The following RFX6 variants were observed in gnomAD, a reference collection of about 807,000 sequenced individuals.
RFX6 encodes the protein DNA-binding protein RFX6.
In RFX6, 50 loss-of-function variants were observed where a neutral mutation model predicts 110.8. That is an observed-to-expected ratio of 0.45 (90% CI 0.36 to 0.57). RFX6 has a LOEUF of 0.57. RFX6 is among the 20% of genes least tolerant of loss of function. The pLI is 0.00. For synonymous variants in RFX6, 383 were observed against 411.2 expected, an observed-to-expected ratio of 0.93 and a Z score of 0.83; for missense variants, 990 against 1,127.0, an observed-to-expected ratio of 0.88 and a Z score of 1.74.
At chr6:116,898,497 T>A (rs922791133) in intron 6 of RFX6, among the ~76,000 whole-genome samples, 5 of 152,056 alleles carry the variant, frequency 3.3e-5, no homozygotes, top group African/African-American at 1.2e-4. Context: ...ACCCAGCTAA[T>A]TTTTTGGAAT....
At chr6:116,891,202 A>G (rs375198819) in intron 4 of RFX6, among the ~76,000 whole-genome samples, 1 of 152,196 alleles carries the variant, frequency 6.6e-6, no homozygotes, top group Non-Finnish European at 1.5e-5. Context: ...TGTTTTGTTC[A>G]TCATTGTACT....
chr6:116,922,105 CT>C lies in RFX6; in HGVS notation c.1395del (p.Phe465LeufsTer9). Reference protein sequence around the residue: ...DLLKKNATVEAFIEWLDTVVE... With the variant: ...DLLKKNATVEXFIEWLDTVVE... Reference sequence around the variant, plus strand: ...CTTAAGAAGAATGCCACTGTGGAGGCTTTTATTGAATGGTTGGATACTGTGG... The same window carrying C: ...CTTAAGAAGAATGCCACTGTGGAGGCTTTATTGAATGGTTGGATACTGTGG... On this transcript the variant is annotated frameshift_variant, in exon 13 of 19. Transcript: ENST00000332958. LOFTEE classifies it high-confidence loss of function. 1 of 1,564,310 alleles carries C rather than the reference CT, an allele frequency of 6.4e-7. No individual in the cohort carries two copies. Among genetic ancestry groups the C allele is most frequent in the Non-Finnish European group, 8.8e-7 (1 of 1,136,522 alleles).
chr6:116,915,892 T>C, intron 7 of RFX6, 116 bp from the exon 8 acceptor site: 1 of 793,552 alleles, frequency 1.3e-6, no homozygotes, highest in South Asian at 1.4e-5. Context: ...TCCTCAACAT[T>C]GAGCATACTG....
In RFX6 at chr6:116,927,420, C is replaced by A. The variant is rs200863414; in HGVS notation, c.2279C>A (p.Ser760Tyr). 1.9e-6 allele frequency: 3 copies of A among 1,614,146 alleles called. No individual in the cohort carries two copies. Among genetic ancestry groups the A allele is most frequent in the East Asian group, 4.5e-5 (2 of 44,880 alleles). The stretch of plus-strand genomic sequence containing the variant: ...CGGCCACCGTCTAGCTATGGCCCAT[C>A]CCTGCAAGCCCAGGATTCACACAAT... Reference protein sequence around the residue: ...NSRPPSSYGPSLQAQDSHNMQ... With the variant: ...NSRPPSSYGPYLQAQDSHNMQ... Residue 760 changes from serine (S) to tyrosine (Y), a missense_variant, in exon 17 of 19, where the codon TCC becomes TAC. By Grantham distance (144) the Ser-to-Tyr change is moderately radical. This residue lies in a region of RFX6 where 438 missense variants were observed against 441.9 expected (regional missense o/e 0.99). Coordinates refer to ENST00000332958, the MANE Select transcript of RFX6 (RefSeq NM_173560.4).
intron 6 of RFX6, among the ~76,000 whole-genome samples, chr6:116,904,779 G>C (rs555969991): frequency 6.6e-6 from 1 of 152,076 alleles, no homozygotes; most frequent in Non-Finnish European, 1.5e-5. Flanking sequence ...TTGTCTTCTG[G>C]TGACTGACTT....
chr6:116,910,471 AT>A (rs919876117), intron 6 of RFX6, among the ~76,000 whole-genome samples: 2 of 152,146 alleles, frequency 1.3e-5, no homozygotes, highest in African/African-American at 4.8e-5. Context: ...TCCAATAAAA[AT>A]TTTGCTAGTA....
chr6:116,885,110 AAGGCAGT>A (rs755948780), intron 4 of RFX6: 19 of 152,162 alleles, frequency 1.2e-4, no homozygotes, highest in Non-Finnish European at 1.3e-4. Context: ...AGAATATCAA[AAGGCAGT>A]ATAGCCTAAT....
At chr6:116,910,468 A>G (rs1775326476) in intron 6 of RFX6, among the ~76,000 whole-genome samples, 1 of 152,172 alleles carries the variant, frequency 6.6e-6, no homozygotes, top group Non-Finnish European at 1.5e-5. Context: ...GACTCCAATA[A>G]AAATTTTGCT....
rs190701987 is a variant in RFX6, at chr6:116,929,407, A to T, written c.2611+436A>T. Among the ~76,000 whole-genome samples, 21 of 152,026 alleles carry T rather than the reference A, an allele frequency of 1.4e-4. No individual in the cohort carries two copies. The East Asian group carries it at 3.1e-3, about 22-fold the overall frequency. On this transcript the variant is annotated intron_variant, in intron 18 of 18. Transcript: ENST00000332958. The stretch of plus-strand genomic sequence containing the variant: ...AGTATCCAAAAATCACTCCAAGATT[A>T]AAAAAAACTGGTGTCCTGTGATGGG...
chr6:116,885,867 A>G (rs984170967), intron 4 of RFX6, among the ~76,000 whole-genome samples: 6 of 152,118 alleles, frequency 3.9e-5, no homozygotes, highest in African/African-American at 1.2e-4. Context: ...AATTTGTAGC[A>G]CAATTTTATT....
chr6:116,914,659 G>A (rs1315985679), intron 7 of RFX6, among the ~76,000 whole-genome samples: 1 of 152,092 alleles, frequency 6.6e-6, no homozygotes, highest in Non-Finnish European at 1.5e-5. Context: ...TTCATATCAT[G>A]GTTCTACAGC....
At chr6:116,883,191 A>G (rs529377721) in intron 4 of RFX6, among the ~76,000 whole-genome samples, 1 of 152,254 alleles carries the variant, frequency 6.6e-6, no homozygotes, top group African/African-American at 2.4e-5. Flanking sequence ...CCTCTGACCT[A>G]GTCCATTTCC....
chr6:116,907,101 C>G (rs183767254), intron 6 of RFX6, among the ~76,000 whole-genome samples: 77 of 150,046 alleles, frequency 5.1e-4, no homozygotes, highest in African/African-American at 1.7e-3. Context: ...TTTTCAAATA[C>G]TTTTTCTGTA....
At chr6:116,895,085 T>C in intron 5 of RFX6, 95 bp from the exon 6 acceptor site, 1 of 671,016 alleles carries the variant, frequency 1.5e-6, no homozygotes, top group South Asian at 1.9e-5. Context: ...CTAATCATGG[T>C]ATGAAATTAC....
rs779319023 is a variant in RFX6, at chr6:116,927,396, G to A, written c.2255G>A (p.Arg752Gln). ...GSCAGSPYNSRPPSSYGPSLQ... is the reference protein window; with the variant it reads ...GSCAGSPYNSQPPSSYGPSLQ... The stretch of plus-strand genomic sequence containing the variant: ...TGTGCGGGGTCTCCATATAACTCCC[G>A]GCCACCGTCTAGCTATGGCCCATCC... The change falls in exon 17 of 19, where the codon CGG becomes CAG. Residue 752 changes from arginine to glutamine, a missense_variant. Arg to Gln is a conservative substitution (Grantham distance 43). Coordinates refer to ENST00000332958, the MANE Select transcript of RFX6 (RefSeq NM_173560.4). 18 of 1,613,898 alleles carry A rather than the reference G, an allele frequency of 1.1e-5. No homozygotes were observed. The highest frequency in any genetic ancestry group is 2.7e-5 in the African/African-American group (2 of 74,886).
intron 4 of RFX6, among the ~76,000 whole-genome samples, chr6:116,885,552 T>C (rs548656349): frequency 2.0e-5 from 3 of 152,172 alleles, no homozygotes; most frequent in Non-Finnish European, 4.4e-5. Context: ...ACATAGATAA[T>C]ACATAATAAC....
chr6:116,918,600 G>GAAA lies in RFX6; in HGVS notation c.1022+522_1022+524dup, dbSNP rs71012344. Among the ~76,000 whole-genome samples the GAAA allele has an allele frequency of 4.0e-4, 58 of 143,594 alleles. No homozygotes were observed. In the East Asian group the frequency reaches 5.6e-3, roughly 14 times the overall value. The allele number at this position is 143,594 out of a possible 152,430, so 94.2% of individuals were successfully genotyped here. On this transcript the variant is annotated intron_variant, in intron 10 of 18. Coordinates refer to ENST00000332958, the MANE Select transcript of RFX6 (RefSeq NM_173560.4). ...TTCAATATAAGAACAATAGAATTCT[G>GAAA]AAAAAAAAAAGCCAACTTTTTCTCT...
chr6:116,903,725 T>A (rs1009400683), intron 6 of RFX6, among the ~76,000 whole-genome samples: 19 of 152,246 alleles, frequency 1.2e-4, no homozygotes, highest in Middle Eastern at 3.4e-3. Flanking sequence ...TGTGACTTTC[T>A]GTTTTCCTTC....
In RFX6 at chr6:116,922,179, T is replaced by C. The variant is rs113742593; in HGVS notation, c.1437+28T>C. The C allele has an allele frequency of 3.4e-4, 362 of 1,053,508 alleles. 3 individuals carry two copies. The African/African-American group carries it at 4.9e-3, about 14-fold the overall frequency. 65.3% of individuals were successfully genotyped at this position (1,053,508 alleles called of 1,614,324 possible). A position where few individuals can be genotyped will look rare whatever the true frequency, so the allele number is the denominator to read the frequency against. Reference sequence around the variant, plus strand: ...ACTTTTTAATGACAGATTCAGAAAATAAGTTCCTTGTAAAGAGTAAATGCT... The same window carrying C: ...ACTTTTTAATGACAGATTCAGAAAACAAGTTCCTTGTAAAGAGTAAATGCT... On this transcript the variant is annotated intron_variant, in intron 13 of 18. Coordinates refer to ENST00000332958, the MANE Select transcript of RFX6 (RefSeq NM_173560.4).
Sources: allele counts gnomAD v4.1 joint callset (sites outside exome capture counted in the v4.1 genomes callset), GRCh38; gene constraint gnomAD v4.1.1; regional missense constraint gnomAD v4.1.1; transcripts MANE v1.5; gene names NCBI Gene and HGNC (gene_info 2026-07-23, HGNC 2026-07-21).